The following KAT2B variants were observed in gnomAD, a reference collection of about 807,000 sequenced individuals.
KAT2B encodes the protein lysine acetyltransferase 2B.
A neutral mutation model predicts 105.9 loss-of-function variants in KAT2B; 36 were observed. That is an observed-to-expected ratio of 0.34 (90% CI 0.26 to 0.45). The LOEUF (loss-of-function observed/expected upper bound fraction) is 0.45, where lower values mean the gene tolerates loss of function less well. Ranked by LOEUF, KAT2B falls within the 20% of genes least tolerant of loss-of-function variation. KAT2B has a pLI of 1.00. For synonymous variants in KAT2B, 397 were observed against 377.9 expected, an observed-to-expected ratio of 1.05 and a Z score of -0.59; for missense variants, 820 against 1,021.6, an observed-to-expected ratio of 0.80 and a Z score of 2.69.
chr3:20,106,566 A>G (rs1270073382), intron 5 of KAT2B, among the ~76,000 whole-genome samples: 1 of 152,220 alleles, frequency 6.6e-6, no homozygotes, highest in Non-Finnish European at 1.5e-5. Context: ...GGAAGTTAAG[A>G]AAAAGCTGAA....
chr3:20,101,191 T>C (rs1479827885), intron 4 of KAT2B, 96 bp from the exon 5 acceptor site: 323 of 939,822 alleles, frequency 3.4e-4, no homozygotes, highest in Non-Finnish European at 1.9e-5. Context: ...ATGTCTGTTA[T>C]TTTGCTAATA....
intron 14 of KAT2B, among the ~76,000 whole-genome samples, chr3:20,147,378 T>G (rs1440151267): frequency 6.6e-6 from 1 of 151,940 alleles, no homozygotes. Flanking sequence ...GTACATTAAC[T>G]ACTCTCAACA....
At chr3:20,133,834 A>G (rs1345415281) in intron 11 of KAT2B, among the ~76,000 whole-genome samples, 1 of 152,202 alleles carries the variant, frequency 6.6e-6, no homozygotes, top group Non-Finnish European at 1.5e-5. Context: ...GTCAAGTGCA[A>G]TATTTCATTT....
intron 1 of KAT2B, among the ~76,000 whole-genome samples, chr3:20,043,035 G>A (rs536724087): frequency 6.6e-6 from 1 of 152,002 alleles, no homozygotes; most frequent in South Asian, 2.1e-4. Flanking sequence ...TGAGTAGCTG[G>A]GACTACAGGC....
intron 11 of KAT2B, among the ~76,000 whole-genome samples, chr3:20,131,010 C>CTT (rs148208028): frequency 2.5e-3 from 190 of 74,696 alleles, no homozygotes; most frequent in Non-Finnish European, 3.3e-3. Context: ...GTTTCCTGGC[C>CTT]TTTTTTTTTT....
In KAT2B at chr3:20,086,727, C is replaced by G. The variant is rs1020365794; in HGVS notation, c.431-8536C>G. 1.7e-4 allele frequency among the ~76,000 whole-genome samples: 26 copies of G among 152,158 alleles called. 1 individual carries two copies. Among genetic ancestry groups the G allele is most frequent in the Admixed American group, 1.5e-3 (23 of 15,262 alleles). On this transcript the variant is annotated intron_variant, in intron 2 of 17. Transcript: ENST00000263754. ...AGAAATGAAAGGTGGGTGGCCTCTA[C>G]CTCTCTAATTTTAAGCCCTTTAAAC...
rs1298150852 is a variant in KAT2B, at chr3:20,064,907, G to A, written c.304-7426G>A. On this transcript the variant is annotated intron_variant, in intron 1 of 17. Coordinates refer to ENST00000263754, the MANE Select transcript of KAT2B (RefSeq NM_003884.5). ...ATGACAGAATTTTGCTAGACAGCTG[G>A]CTGTCTTTCTCCTGTTCCTCTGGAT... is the stretch of plus-strand genomic sequence containing the variant. Among the ~76,000 whole-genome samples, 4 of 152,114 alleles carry A rather than the reference G, an allele frequency of 2.6e-5. No individual in the cohort carries two copies. The East Asian group carries it at 7.7e-4, about 29-fold the overall frequency.
intron 1 of KAT2B, among the ~76,000 whole-genome samples, chr3:20,069,820 C>T (rs79230681): frequency 1.3e-5 from 2 of 152,134 alleles, no homozygotes; most frequent in Non-Finnish European, 2.9e-5. Context: ...TGAGCCACTG[C>T]GCCCGGCCAA....
intron 7 of KAT2B, among the ~76,000 whole-genome samples, chr3:20,118,746 AAGAG>A (rs1188214455): frequency 1.2e-5 from 1 of 85,374 alleles, no homozygotes; most frequent in African/African-American, 4.4e-5. Flanking sequence ...AAAAAAAAAA[AAGAG>A]AGAGAGCGAA....
At position 20,062,196 on chromosome 3, in the gene KAT2B, T is replaced by TG. The variant is rs1390849915; in HGVS notation, c.304-10137_304-10136insG. Among the ~76,000 whole-genome samples the TG allele has an allele frequency of 1.6e-4, 6 of 37,796 alleles. 1 individual carries two copies. The highest frequency in any genetic ancestry group is 6.0e-4 in the African/African-American group (6 of 9,954). 24.8% of individuals were successfully genotyped at this position (37,796 alleles called of 152,430 possible). A position where few individuals can be genotyped will look rare whatever the true frequency, so the allele number is the denominator to read the frequency against. On this transcript the variant is annotated intron_variant, in intron 1 of 17. Transcript: ENST00000263754. Reference sequence around the variant, plus strand: ...TATAATATATAATATATAAAATATATATATTTTATATAAAATATATTATAT... The same window carrying TG: ...TATAATATATAATATATAAAATATATGATATTTTATATAAAATATATTATAT...
intron 3 of KAT2B, among the ~76,000 whole-genome samples, chr3:20,098,983 G>C (rs191978829): frequency 8.1e-4 from 124 of 152,262 alleles, no homozygotes; most frequent in African/African-American, 2.8e-3. Context: ...AAGCGAGAAA[G>C]GAGGGAAAGA....
chr3:20,144,077 G>A (rs937042566), intron 13 of KAT2B, among the ~76,000 whole-genome samples: 45 of 152,080 alleles, frequency 3.0e-4, no homozygotes, highest in African/African-American at 1.1e-3. Context: ...GGTACAGAGA[G>A]CTTAGGACGC....
chr3:20,092,302 C>G, intron 2 of KAT2B, among the ~76,000 whole-genome samples: 1 of 151,528 alleles, frequency 6.6e-6, no homozygotes, highest in Non-Finnish European at 1.5e-5. Flanking sequence ...GATCTAGGCT[C>G]ACTGCAGCCT....
At chr3:20,063,755 C>T (rs1333442576) in intron 1 of KAT2B, among the ~76,000 whole-genome samples, 1 of 151,470 alleles carries the variant, frequency 6.6e-6, no homozygotes, top group Non-Finnish European at 1.5e-5. Flanking sequence ...GTTGGCCAGG[C>T]TGGTCTTGAA....
chr3:20,116,183 T>A (rs12631457), intron 7 of KAT2B, among the ~76,000 whole-genome samples: 2 of 152,062 alleles, frequency 1.3e-5, no homozygotes, highest in Non-Finnish European at 2.9e-5. Context: ...TCTTCTACAG[T>A]TGAGCAGTTA....
At chr3:20,047,259 C>G (rs537071959) in intron 1 of KAT2B, among the ~76,000 whole-genome samples, 5 of 151,958 alleles carry the variant, frequency 3.3e-5, no homozygotes, top group African/African-American at 1.2e-4. Context: ...GTTTCGCCAA[C>G]CTGGGTTTCG....
At chr3:20,050,271 A>G (rs1355753288) in intron 1 of KAT2B, among the ~76,000 whole-genome samples, 7 of 152,110 alleles carry the variant, frequency 4.6e-5, no homozygotes, top group African/African-American at 1.7e-4. Flanking sequence ...CAGTATCTCA[A>G]CATGATAAAA....
chr3:20,100,158 G>A (rs1326020229), intron 4 of KAT2B, among the ~76,000 whole-genome samples: 1 of 152,148 alleles, frequency 6.6e-6, no homozygotes, highest in African/African-American at 2.4e-5. Flanking sequence ...TTTTAGGGTT[G>A]TTACATACTC....
chr3:20,110,672 C>CAAAAAAAAAAAAAA (rs55653348), intron 5 of KAT2B, among the ~76,000 whole-genome samples: 1 of 69,468 alleles, frequency 1.4e-5, no homozygotes, highest in Non-Finnish European at 2.7e-5. Flanking sequence ...GACCCTGTCT[C>CAAAAAAAAAAAAAA]AAAAAAAAAA....
Sources: allele counts gnomAD v4.1 joint callset (sites outside exome capture counted in the v4.1 genomes callset), GRCh38; gene constraint gnomAD v4.1.1; transcripts MANE v1.5; gene names NCBI Gene and HGNC (gene_info 2026-07-23, HGNC 2026-07-21).